Variants in PRMT8 observed in about 807,000 individuals in gnomAD.
PRMT8 encodes the protein protein arginine methyltransferase 8.
A neutral mutation model predicts 47.1 loss-of-function variants in PRMT8; 7 were observed. The observed-to-expected ratio is 0.15, with a 90% CI of 0.08 to 0.28. PRMT8 has a LOEUF of 0.28. Among genes scored for constraint, PRMT8 ranks in the 10% least tolerant of loss-of-function variants. The probability of loss-of-function intolerance (pLI) is 1.00; values close to 1 mark genes in which losing one functional copy is unlikely to be tolerated. For missense variants in PRMT8, 237 were observed against 505.4 expected (o/e 0.47, Z 5.09); for synonymous variants, 188 against 186.5 (o/e 1.01, Z -0.07).
chr12:3,578,171 G>A (rs1020600361), intron 7 of PRMT8, among the ~76,000 whole-genome samples: 4 of 152,020 alleles, frequency 2.6e-5, no homozygotes, highest in Non-Finnish European at 5.9e-5. Context: ...GGAGTGCAGT[G>A]GCACAATCAC....
At position 3,493,693 on chromosome 12, in the gene PRMT8, G is replaced by T. The variant is rs1163338537; in HGVS notation, c.75+1993G>T. Among the ~76,000 whole-genome samples, 1 of 152,234 alleles carries T rather than the reference G, an allele frequency of 6.6e-6. No homozygotes were observed. Among genetic ancestry groups the T allele is most frequent in the Non-Finnish European group, 1.5e-5 (1 of 68,044 alleles). On this transcript the variant is annotated intron_variant, in intron 1 of 9. Transcript: ENST00000382622. The surrounding 1 kb of genome is among the most constrained non-coding windows in gnomAD (Gnocchi z 8.2). Reference sequence around the variant, plus strand: ...TCTATTTTTACTTGCTTCCCCCGCCGCTCCGCGCTCCCCCTTCTCAGCAGT... The same window carrying T: ...TCTATTTTTACTTGCTTCCCCCGCCTCTCCGCGCTCCCCCTTCTCAGCAGT...
chr12:3,389,322 G>A (rs1864170241), intron 1 of PRMT8, among the ~76,000 whole-genome samples: 1 of 152,132 alleles, frequency 6.6e-6, no homozygotes, highest in African/African-American at 2.4e-5. Flanking sequence ...GGGCTGGAAC[G>A]ACAGATTCCA....
At chr12:3,391,775 A>G (rs942146674) in intron 1 of PRMT8, among the ~76,000 whole-genome samples, 1 of 152,180 alleles carries the variant, frequency 6.6e-6, no homozygotes, top group South Asian at 2.1e-4. Flanking sequence ...TACACGATAG[A>G]TGTTTCAATA....
chr12:3,405,774 A>G (rs1005902126), intron 1 of PRMT8, among the ~76,000 whole-genome samples: 3 of 151,966 alleles, frequency 2.0e-5, no homozygotes, highest in Non-Finnish European at 4.4e-5. Flanking sequence ...GGGCAGCTCC[A>G]CTCCTGTGGC....
intron 1 of PRMT8, among the ~76,000 whole-genome samples, chr12:3,522,765 G>A (rs1241859915): frequency 2.0e-5 from 3 of 150,632 alleles, no homozygotes; most frequent in East Asian, 3.9e-4. Flanking sequence ...TTACACTAGG[G>A]TCAAAAAACT....
chr12:3,565,005 A>G (rs1175159108), intron 4 of PRMT8, among the ~76,000 whole-genome samples: 2 of 152,256 alleles, frequency 1.3e-5, no homozygotes, highest in African/African-American at 4.8e-5. Flanking sequence ...AAGAATATTC[A>G]TGGTGATTCA....
rs7309313 is a variant in PRMT8, at chr12:3,576,850, C to A, written c.713-21C>A. On this transcript the variant is annotated intron_variant, in intron 6 of 9. Coordinates refer to ENST00000382622, the MANE Select transcript of PRMT8 (RefSeq NM_019854.5). The surrounding 1 kb of genome is among the most constrained non-coding windows in gnomAD (Gnocchi z 4.0). ...TCTGGGGGTCCTGCGCCTGCCTTCACGTCTTGCTCTGCTCCCACAGGGTGG... is the reference window on the plus strand; with the variant it reads ...TCTGGGGGTCCTGCGCCTGCCTTCAAGTCTTGCTCTGCTCCCACAGGGTGG... 91 of 1,604,122 alleles carry A rather than the reference C, an allele frequency of 5.7e-5. 1 individual carries two copies. In the African/African-American group the frequency reaches 1.1e-3, roughly 20 times the overall value.
chr12:3,435,587 T>C (rs561289538), intron 1 of PRMT8, among the ~76,000 whole-genome samples: 1 of 150,446 alleles, frequency 6.6e-6, no homozygotes, highest in Non-Finnish European at 1.5e-5. Context: ...AGTGGCGCAG[T>C]GTTGGCTCAC....
chr12:3,391,199 C>G (rs1864189436), intron 1 of PRMT8, among the ~76,000 whole-genome samples: 1 of 152,126 alleles, frequency 6.6e-6, no homozygotes, highest in Admixed American at 6.6e-5. Context: ...TTCACTGGAA[C>G]AAAGCAGATA....
intron 1 of PRMT8, among the ~76,000 whole-genome samples, chr12:3,475,144 G>A (rs1865198114): frequency 6.6e-6 from 1 of 152,170 alleles, no homozygotes. Context: ...ACAGGAGGCG[G>A]CTGGGCCCTC....
intron 1 of PRMT8, among the ~76,000 whole-genome samples, chr12:3,497,603 T>A (rs574193947): frequency 6.6e-6 from 1 of 152,342 alleles, no homozygotes; most frequent in African/African-American, 2.4e-5. Flanking sequence ...AGACTTCTAA[T>A]AGGAATAGCT....
At chr12:3,578,022 T>C (rs1866979954) in intron 7 of PRMT8, among the ~76,000 whole-genome samples, 1 of 152,250 alleles carries the variant, frequency 6.6e-6, no homozygotes, top group African/African-American at 2.4e-5. Flanking sequence ...TGCATTTGCA[T>C]TATATATGCT....
chr12:3,522,917 A>G (rs931541786), intron 1 of PRMT8, among the ~76,000 whole-genome samples: 1 of 152,214 alleles, frequency 6.6e-6, no homozygotes, highest in Non-Finnish European at 1.5e-5. Flanking sequence ...GGAAGCTATA[A>G]GCAGGCTCCG....
intron 1 of PRMT8, among the ~76,000 whole-genome samples, chr12:3,422,730 G>T (rs925672522): frequency 2.6e-5 from 4 of 152,208 alleles, no homozygotes; most frequent in Admixed American, 6.5e-5. Context: ...CAGGCCCAGG[G>T]CGCAGTGCTG....
chr12:3,446,523 G>C (rs1192905749), intron 1 of PRMT8, among the ~76,000 whole-genome samples: 1 of 152,164 alleles, frequency 6.6e-6, no homozygotes, highest in African/African-American at 2.4e-5. Context: ...GGCCTTCTGA[G>C]GGACCCAAGT....
Position 3,478,419 on chromosome 12 carries a change from C to T in PRMT8, c.49-62187C>T, listed in dbSNP as rs374127149. Among the ~76,000 whole-genome samples the T allele has an allele frequency of 5.9e-5, 9 of 152,280 alleles. No homozygotes were observed. In the South Asian group the frequency reaches 8.3e-4, roughly 14 times the overall value. ...TTATTCTACAGAACCTTGGCTTGGG[C>T]CCCTCCACCTTCTGAAGGAAGCCAT... On this transcript the variant is annotated intron_variant, in intron 1 of 9. Transcript: ENST00000452611.
intron 1 of PRMT8, chr12:3,463,261 AT>A (rs1327811458): frequency 1.3e-5 from 2 of 152,152 alleles, no homozygotes; most frequent in African/African-American, 4.8e-5. Flanking sequence ...TACCCTGAGA[AT>A]TTCTTTCTAA....
chr12:3,422,588 T>C (rs1864555403), intron 1 of PRMT8, among the ~76,000 whole-genome samples: 1 of 152,194 alleles, frequency 6.6e-6, no homozygotes, highest in Non-Finnish European at 1.5e-5. Flanking sequence ...GACTGGGGGC[T>C]GCATGCACCA....
At chr12:3,562,167 G>A (rs907029188) in intron 4 of PRMT8, among the ~76,000 whole-genome samples, 9 of 152,070 alleles carry the variant, frequency 5.9e-5, no homozygotes, top group Admixed American at 2.6e-4. Context: ...TGATTATTCC[G>A]TTTATTAACT....
Sources: gnomAD v4.1 joint callset for allele counts (sites outside exome capture counted in the v4.1 genomes callset) on GRCh38, gnomAD v4.1.1 for gene constraint, Gnocchi (gnomAD v3.1) non-coding constraint, MANE v1.5 for transcripts, NCBI Gene and HGNC (gene_info 2026-07-23, HGNC 2026-07-21) for gene names.